The following DUSP19 variants were observed in gnomAD, a reference collection of about 807,000 sequenced individuals.
DUSP19 encodes dual specificity protein phosphatase 19.
In DUSP19, 14 loss-of-function variants were observed where a neutral mutation model predicts 16.6. The ratio of observed to expected loss-of-function variants is 0.84; its 90% CI spans 0.56 to 1.32. DUSP19 has a LOEUF of 1.32. DUSP19 is among the 40% of genes most tolerant of loss of function. The pLI is 0.00. For synonymous variants in DUSP19, 81 were observed against 90.5 expected (o/e 0.90, Z 0.59); for missense variants, 258 against 255.9 (o/e 1.01, Z -0.06).
rs1442019458 is a variant in DUSP19 at position 183,095,413 on chromosome 2, TTG to T, written c.427-16_427-15del. ...TCAAATGAATAATGAAGATTTTTGT[TTG>T]TTTTTTTTTTTGTAGGATGGAGTGG... On this transcript the variant is annotated splice_polypyrimidine_tract_variant and intron_variant, in intron 3 of 3. Transcript: ENST00000354221. 3 of 1,559,038 alleles carry T rather than the reference TTG, an allele frequency of 1.9e-6. No individual in the cohort carries two copies. Among genetic ancestry groups the T allele is most frequent in the South Asian group, 2.4e-5 (2 of 83,786 alleles).
chr2:183,092,455 G>A (rs372049761), intron 3 of DUSP19, among the ~76,000 whole-genome samples: 99 of 152,078 alleles, frequency 6.5e-4, no homozygotes, highest in African/African-American at 1.9e-3. Context: ...ATGTGTTCAC[G>A]TTGTTCAGCT....
Position 183,095,756 on chromosome 2 carries a change from T to C in DUSP19, c.*98T>C. On this transcript the variant is annotated 3_prime_UTR_variant, in exon 4 of 4. Transcript: ENST00000354221. ...GAGAGTAGACTAGCAAAACTCCCTT[T>C]TTTCTCTTGCCTTTTTTATGCATAA... 1.1e-6 allele frequency: 1 copy of C among 895,980 alleles called. No individual in the cohort carries two copies. Among genetic ancestry groups the C allele is most frequent in the Non-Finnish European group, 1.7e-6 (1 of 602,256 alleles). 55.5% of individuals were successfully genotyped at this position (895,980 alleles called of 1,614,324 possible).
In DUSP19 at chr2:183,096,939, C is replaced by G. The variant is rs1340531924; in HGVS notation, c.*1281C>G. Reference sequence around the variant, plus strand: ...CGTATTTGAAGAACTGAGCTCTGTACATTATAAATTTGCTTAAAGATTTTG... The same window carrying G: ...CGTATTTGAAGAACTGAGCTCTGTAGATTATAAATTTGCTTAAAGATTTTG... On this transcript the variant is annotated 3_prime_UTR_variant, in exon 4 of 4. Coordinates refer to ENST00000354221, the MANE Select transcript of DUSP19 (RefSeq NM_080876.4). The G allele has an allele frequency of 2.0e-5, 3 of 151,664 alleles. No homozygotes were observed. Among genetic ancestry groups the G allele is most frequent in the Non-Finnish European group, 4.4e-5 (3 of 67,898 alleles). The allele number at this position is 151,664 out of a possible 1,614,324, so 9.4% of individuals were successfully genotyped here. A position where few individuals can be genotyped will look rare whatever the true frequency, so the allele number is the denominator to read the frequency against.
chr2:183,098,428 G>T lies in DUSP19; in HGVS notation c.*2770G>T, dbSNP rs1699832215. 1 of 152,132 alleles carries T rather than the reference G, an allele frequency of 6.6e-6. No individual in the cohort carries two copies. The highest frequency in any genetic ancestry group is 1.5e-5 in the Non-Finnish European group (1 of 68,018). 9.4% of individuals were successfully genotyped at this position (152,132 alleles called of 1,614,324 possible). A position where few individuals can be genotyped will look rare whatever the true frequency, so the allele number is the denominator to read the frequency against. ...ATATATACTATACAATATGTTTATT[G>T]CACTTCCCATGGGGATAAATCACTC... On this transcript the variant is annotated 3_prime_UTR_variant, in exon 4 of 4. Coordinates refer to ENST00000354221, the MANE Select transcript of DUSP19 (RefSeq NM_080876.4).
In DUSP19 at chr2:183,093,615, A is replaced by C. The variant is rs115453292; in HGVS notation, c.427-1816A>C. Reference sequence around the variant, plus strand: ...ATATGATACCTAAGGAATAATCAAAAGTAGAAAGTAGGTAAATTGAAAAGC... The same window carrying C: ...ATATGATACCTAAGGAATAATCAAACGTAGAAAGTAGGTAAATTGAAAAGC... On this transcript the variant is annotated intron_variant, in intron 3 of 3. Transcript: ENST00000354221. Among the ~76,000 whole-genome samples, 400 of 152,370 alleles carry C rather than the reference A, an allele frequency of 2.6e-3. 2 individuals are homozygous for C. Among genetic ancestry groups the C allele is most frequent in the African/African-American group, 9.4e-3 (389 of 41,594 alleles).
intron 3 of DUSP19, 24 bp from the exon 4 acceptor site, chr2:183,095,407 T>C: frequency 6.4e-7 from 1 of 1,553,756 alleles, no homozygotes; most frequent in South Asian, 1.2e-5. Context: ...TAATGAAGAT[T>C]TTTGTTTGTT....
At position 183,098,557 on chromosome 2, in the gene DUSP19, A is replaced by C. The variant is rs567703133; in HGVS notation, c.*2899A>C. 4.3e-4 allele frequency: 65 copies of C among 152,342 alleles called. No homozygotes were observed. Among genetic ancestry groups the C allele is most frequent in the African/African-American group, 1.5e-3 (63 of 41,588 alleles). 9.4% of individuals were successfully genotyped at this position (152,342 alleles called of 1,614,324 possible). A position where few individuals can be genotyped will look rare whatever the true frequency, so the allele number is the denominator to read the frequency against. Reference sequence around the variant, plus strand: ...ATACACCAAATATAGGTCTGTTTTAAAGGAGAGGAAAAATAGTTCAAGGAG... The same window carrying C: ...ATACACCAAATATAGGTCTGTTTTACAGGAGAGGAAAAATAGTTCAAGGAG... On this transcript the variant is annotated 3_prime_UTR_variant, in exon 4 of 4. Transcript: ENST00000354221.
chr2:183,083,393 G>A (rs1699618875), intron 1 of DUSP19, 115 bp from the exon 2 acceptor site: 1 of 975,240 alleles, frequency 1.0e-6, no homozygotes, highest in Non-Finnish European at 1.5e-6. Context: ...GTTGGACTAA[G>A]GTCCTTCCAA....
chr2:183,092,008 A>G (rs920367654), intron 3 of DUSP19, among the ~76,000 whole-genome samples: 1 of 152,084 alleles, frequency 6.6e-6, no homozygotes, highest in Admixed American at 6.5e-5. Context: ...GTGCTCCTCA[A>G]AGTGTTGTCC....
chr2:183,099,586 T>C lies in DUSP19; in HGVS notation c.*3928T>C, dbSNP rs1265364906. ...TATTCATCATGTACCCTTTATTGTT[T>C]CTAGGTGTTGATATACTTTAATAAA... On this transcript the variant is annotated 3_prime_UTR_variant, in exon 4 of 4. Coordinates refer to ENST00000354221, the MANE Select transcript of DUSP19 (RefSeq NM_080876.4). 6.6e-6 allele frequency: 1 copy of C among 152,244 alleles called. No homozygotes were observed. Among genetic ancestry groups the C allele is most frequent in the Non-Finnish European group, 1.5e-5 (1 of 68,050 alleles). The allele number at this position is 152,244 out of a possible 1,614,324, so 9.4% of individuals were successfully genotyped here.
At chr2:183,083,047 A>G (rs1256651105) in intron 1 of DUSP19, among the ~76,000 whole-genome samples, 1 of 152,046 alleles carries the variant, frequency 6.6e-6, no homozygotes, top group African/African-American at 2.4e-5. Context: ...GAATACAAGC[A>G]TGCACTACCA....
chr2:183,078,813 C>T lies in DUSP19; in HGVS notation c.-121C>T, dbSNP rs1699552280. On this transcript the variant is annotated 5_prime_UTR_variant, in exon 1 of 4. Transcript: ENST00000354221. ...TCTTGGTCTGTGGCTGCTGCGGTTA[C>T]CTGGATGGGCGAGCACCTCTGAGGC... is the stretch of plus-strand genomic sequence containing the variant. 1.1e-5 allele frequency: 9 copies of T among 834,180 alleles called. No individual in the cohort carries two copies. The South Asian group carries it at 1.4e-4, about 13-fold the overall frequency. The allele number at this position is 834,180 out of a possible 1,614,324, so 51.7% of individuals were successfully genotyped here. A position where few individuals can be genotyped will look rare whatever the true frequency, so the allele number is the denominator to read the frequency against.
rs1438741360 is a variant in DUSP19, at chr2:183,079,420, C to CT, written c.226+262dup. ...TTAGAAAAGCTTTCTTCCCGTTTCT[C>CT]TAACTTCTCTGGAGAATAACACATT... On this transcript the variant is annotated intron_variant, in intron 1 of 3. Transcript: ENST00000354221. Among the ~76,000 whole-genome samples the CT allele has an allele frequency of 5.3e-5, 8 of 152,152 alleles. No individual in the cohort carries two copies. The South Asian group carries it at 1.2e-3, about 24-fold the overall frequency.
chr2:183,079,829 C>G (rs1699569830), intron 1 of DUSP19, among the ~76,000 whole-genome samples: 1 of 152,138 alleles, frequency 6.6e-6, no homozygotes, highest in African/African-American at 2.4e-5. Context: ...AAAAAATAGT[C>G]AAGAATGTTT....
rs1024683699 is a variant in DUSP19 at position 183,087,279 on chromosome 2, A to G, written c.426+87A>G. The stretch of plus-strand genomic sequence containing the variant: ...CCCAATCTTTATTATTTTTATAATG[A>G]ATCTCTAAAAAACAATTATGAAATT... On this transcript the variant is annotated intron_variant, in intron 3 of 3. Transcript: ENST00000354221. The G allele has an allele frequency of 6.8e-5, 86 of 1,264,370 alleles. 1 individual carries two copies. Among genetic ancestry groups the G allele is most frequent in the Non-Finnish European group, 4.1e-5 (38 of 936,730 alleles). The allele number at this position is 1,264,370 out of a possible 1,614,324, so 78.3% of individuals were successfully genotyped here.
At chr2:183,095,347 T>G (rs528229079) in intron 3 of DUSP19, 84 bp from the exon 4 acceptor site, 13 of 1,042,804 alleles carry the variant, frequency 1.2e-5, no homozygotes, top group African/African-American at 8.0e-5. Context: ...CTTTATACTT[T>G]CAAGTAGTAT....
At chr2:183,085,885 A>G (rs1243357358) in intron 2 of DUSP19, among the ~76,000 whole-genome samples, 33 of 32,010 alleles carry the variant, frequency 1.0e-3, no homozygotes, top group Non-Finnish European at 1.0e-3. Flanking sequence ...TTTTTTTTTG[A>G]GGCAGAGTCT....
At chr2:183,079,872 T>C (rs1369017496) in intron 1 of DUSP19, among the ~76,000 whole-genome samples, 2 of 152,222 alleles carry the variant, frequency 1.3e-5, no homozygotes, top group African/African-American at 4.8e-5. Flanking sequence ...TATTTATGAA[T>C]AGAGAAATTA....
rs757600993 is a variant in DUSP19, at chr2:183,078,974, A to G, written c.41A>G (p.Asn14Ser). Residue 14 changes from asparagine to serine, a missense_variant, in exon 1 of 4, where the codon AAT becomes AGT. Transcript: ENST00000354221. ...LNQEIKAFSRNNLRKQCTRVT... is the reference protein window; with the variant it reads ...LNQEIKAFSRSNLRKQCTRVT... Reference sequence around the variant, plus strand: ...CAGGAAATTAAAGCATTCTCCCGGAATAATCTCAGGAAGCAATGCACCAGG... The same window carrying G: ...CAGGAAATTAAAGCATTCTCCCGGAGTAATCTCAGGAAGCAATGCACCAGG... 7 of 1,614,204 alleles carry G rather than the reference A, an allele frequency of 4.3e-6. No individual in the cohort carries two copies. Among genetic ancestry groups the G allele is most frequent in the Non-Finnish European group, 5.9e-6 (7 of 1,180,036 alleles).
Sources: gnomAD v4.1 joint callset for allele counts (sites outside exome capture counted in the v4.1 genomes callset) on GRCh38, gnomAD v4.1.1 for gene constraint, MANE v1.5 for transcripts, NCBI Gene and HGNC (gene_info 2026-07-23, HGNC 2026-07-21) for gene names.